ZNRF3: variants seen among roughly 807,000 people sequenced by gnomAD.
The protein encoded by ZNRF3 is zinc and ring finger 3.
A neutral mutation model predicts 72.5 loss-of-function variants in ZNRF3; 23 were observed. The observed-to-expected ratio is 0.32, with a 90% CI of 0.23 to 0.45. The LOEUF (loss-of-function observed/expected upper bound fraction) is 0.45, where lower values mean the gene tolerates loss of function less well. ZNRF3 is among the 20% of genes least tolerant of loss of function. The pLI is 1.00. For synonymous variants in ZNRF3, 610 were observed against 545.3 expected (o/e 1.12, Z -1.65); for missense variants, 1,169 against 1,272.1 (o/e 0.92, Z 1.23).
chr22:28,958,414 A>G (rs1029890004), intron 1 of ZNRF3, among the ~76,000 whole-genome samples: 4 of 152,282 alleles, frequency 2.6e-5, no homozygotes, highest in Middle Eastern at 3.4e-3. Flanking sequence ...AGGGAAAGGT[A>G]TATGATACAG....
intron 1 of ZNRF3, among the ~76,000 whole-genome samples, chr22:28,966,425 T>G (rs1244120155): frequency 6.6e-6 from 1 of 152,194 alleles, no homozygotes; most frequent in Non-Finnish European, 1.5e-5. Flanking sequence ...AAGTTAGCTG[T>G]AAAATAGTCC....
chr22:28,945,018 T>TA (rs1433834022), intron 1 of ZNRF3, among the ~76,000 whole-genome samples: 1 of 151,700 alleles, frequency 6.6e-6, no homozygotes, highest in African/African-American at 2.4e-5. Context: ...AGTTTATCCT[T>TA]AAAAAAAGTT....
rs1295402017 is a variant in ZNRF3, at chr22:29,049,121, C to A, written c.1016-76C>A. On this transcript the variant is annotated intron_variant, in intron 7 of 8. Transcript: ENST00000544604. This position sits in a 1 kb window ranked among gnomAD's most constrained non-coding sequence, Gnocchi z 5.2. ...CAAGCCTGCTGCTTCAGCCTTTGCC[C>A]GTTTTAAAAATCCCTTTAGCCTCTG... 2.0e-6 allele frequency: 3 copies of A among 1,469,594 alleles called. No individual in the cohort carries two copies. Among genetic ancestry groups the A allele is most frequent in the Non-Finnish European group, 2.7e-6 (3 of 1,091,094 alleles). The allele number at this position is 1,469,594 out of a possible 1,614,324, so 91.0% of individuals were successfully genotyped here. A position where few individuals can be genotyped will look rare whatever the true frequency, so the allele number is the denominator to read the frequency against.
chr22:28,902,048 T>G (rs1046139954), intron 1 of ZNRF3, among the ~76,000 whole-genome samples: 1 of 150,406 alleles, frequency 6.6e-6, no homozygotes, highest in Non-Finnish European at 1.5e-5. Flanking sequence ...GCAATTCTCC[T>G]GCCTCAGCCT....
intron 1 of ZNRF3, among the ~76,000 whole-genome samples, chr22:28,915,384 G>C (rs1440097055): frequency 6.6e-6 from 1 of 152,094 alleles, no homozygotes; most frequent in African/African-American, 2.4e-5. Context: ...CTTTAACTTG[G>C]TCACCTCTTT....
chr22:28,990,756 C>A (rs1160852840), intron 2 of ZNRF3, among the ~76,000 whole-genome samples: 3 of 152,074 alleles, frequency 2.0e-5, no homozygotes, highest in Non-Finnish European at 2.9e-5. Context: ...TGTTTATGTC[C>A]CGGGCATCTT....
chr22:29,037,429 A>G (rs1223069399), intron 2 of ZNRF3, among the ~76,000 whole-genome samples: 7 of 152,230 alleles, frequency 4.6e-5, no homozygotes, highest in Admixed American at 1.3e-4. Flanking sequence ...GCACTTCCTT[A>G]TGAAAGAAAA....
chr22:28,894,554 G>T (rs2033956333), intron 1 of ZNRF3, among the ~76,000 whole-genome samples: 1 of 152,130 alleles, frequency 6.6e-6, no homozygotes, highest in South Asian at 2.1e-4. Context: ...CCGCTGTGCT[G>T]TCGTCACACC....
intron 1 of ZNRF3, among the ~76,000 whole-genome samples, chr22:28,919,208 C>T (rs1276856518): frequency 1.3e-5 from 2 of 152,150 alleles, no homozygotes; most frequent in African/African-American, 2.4e-5. Context: ...GTTTGCAGTC[C>T]CTTCTTTCCT....
chr22:28,957,624 A>G lies in ZNRF3; in HGVS notation c.301-29452A>G, dbSNP rs147244646. 1.6e-3 allele frequency among the ~76,000 whole-genome samples: 249 copies of G among 151,944 alleles called. 5 individuals are homozygous for G. In the East Asian group the frequency reaches 0.044, roughly 27 times the overall value. ...CCAGCTAATTTTTTGTATCTTTAGT[A>G]GAGACGGGGTTTCACCATGTTGGCC... On this transcript the variant is annotated intron_variant, in intron 1 of 8. Transcript: ENST00000544604.
At chr22:29,038,338 C>CTTTTT (rs541653084) in intron 2 of ZNRF3, among the ~76,000 whole-genome samples, 1 of 138,078 alleles carries the variant, frequency 7.2e-6, no homozygotes, top group Non-Finnish European at 1.6e-5. Flanking sequence ...TGTTCTGTTG[C>CTTTTT]TTTTTTTTTT....
At chr22:28,993,443 C>T (rs2035990622) in intron 2 of ZNRF3, among the ~76,000 whole-genome samples, 1 of 152,142 alleles carries the variant, frequency 6.6e-6, no homozygotes, top group Admixed American at 6.5e-5. Context: ...AGCGGGGAAA[C>T]CAAGGTACGA....
At chr22:29,000,042 C>G (rs1480631747) in intron 2 of ZNRF3, among the ~76,000 whole-genome samples, 1 of 152,182 alleles carries the variant, frequency 6.6e-6, no homozygotes, top group Non-Finnish European at 1.5e-5. Context: ...ATGTTGTTTT[C>G]CAAATCAAGC....
At chr22:29,032,587 T>A (rs1050014569) in intron 2 of ZNRF3, among the ~76,000 whole-genome samples, 1 of 152,090 alleles carries the variant, frequency 6.6e-6, no homozygotes, top group South Asian at 2.1e-4. Context: ...CCAAGAAAAT[T>A]TGGTAGAGAA....
chr22:28,944,646 T>C (rs911662779), intron 1 of ZNRF3, among the ~76,000 whole-genome samples: 2 of 151,266 alleles, frequency 1.3e-5, no homozygotes, highest in Non-Finnish European at 2.9e-5. Context: ...TCCCAGCTAC[T>C]CAGGAGGCTG....
chr22:28,972,030 C>T (rs1454116766), intron 1 of ZNRF3, among the ~76,000 whole-genome samples: 4 of 152,152 alleles, frequency 2.6e-5, no homozygotes, highest in African/African-American at 9.7e-5. Context: ...CACATGACTC[C>T]ACTGGTGATA....
intron 2 of ZNRF3, among the ~76,000 whole-genome samples, chr22:29,009,803 A>G (rs906658507): frequency 1.3e-5 from 2 of 152,122 alleles, no homozygotes; most frequent in Non-Finnish European, 2.9e-5. Flanking sequence ...TATATACATC[A>G]TATAAGCTTC....
At chr22:29,001,757 A>G (rs2036153530) in intron 2 of ZNRF3, among the ~76,000 whole-genome samples, 1 of 152,088 alleles carries the variant, frequency 6.6e-6, no homozygotes, top group Admixed American at 6.6e-5. Flanking sequence ...ACAGTGAGCC[A>G]CCGCGCCCAG....
chr22:28,945,526 A>ATT (rs528570669), intron 1 of ZNRF3, among the ~76,000 whole-genome samples: 23 of 137,912 alleles, frequency 1.7e-4, no homozygotes, highest in South Asian at 2.3e-4. Flanking sequence ...ACCCGTCTCT[A>ATT]TTTTTTTTTT....
Sources: allele counts gnomAD v4.1 joint callset (sites outside exome capture counted in the v4.1 genomes callset), GRCh38; gene constraint gnomAD v4.1.1; non-coding constraint Gnocchi (gnomAD v3.1); transcripts MANE v1.5; gene names NCBI Gene and HGNC (gene_info 2026-07-23, HGNC 2026-07-21).